Variants in ANTXR2 observed in about 807,000 individuals in gnomAD.
ANTXR2 encodes ANTXR cell adhesion molecule 2, also known as anthrax toxin receptor 2.
In ANTXR2, 44 loss-of-function variants were observed where a neutral mutation model predicts 73.7. The ratio of observed to expected loss-of-function variants is 0.60; its 90% CI spans 0.47 to 0.77. ANTXR2 has a LOEUF of 0.77. Ranked by LOEUF, ANTXR2 falls within the 30% of genes least tolerant of loss-of-function variation. The pLI is 0.00. For missense variants in ANTXR2, 604 were observed against 592.5 expected, an observed-to-expected ratio of 1.02 and a Z score of -0.20; for synonymous variants, 217 against 205.9, an observed-to-expected ratio of 1.05 and a Z score of -0.46.
intron 7 of ANTXR2, among the ~76,000 whole-genome samples, chr4:80,048,959 C>T (rs1258148694): frequency 6.6e-6 from 1 of 151,574 alleles, no homozygotes; most frequent in Non-Finnish European, 1.5e-5. Flanking sequence ...TGATCGTTCC[C>T]TTCCTATTTA....
intron 3 of ANTXR2, among the ~76,000 whole-genome samples, chr4:80,066,047 C>T (rs931722187): frequency 2.0e-5 from 3 of 152,146 alleles, no homozygotes; most frequent in African/African-American, 7.2e-5. Flanking sequence ...TTTCTTCACA[C>T]TTAAAAGTGT....
intron 16 of ANTXR2, among the ~76,000 whole-genome samples, chr4:79,934,841 A>C (rs772206551): frequency 7.9e-5 from 9 of 114,092 alleles, no homozygotes; most frequent in Non-Finnish European, 1.3e-4. Context: ...GTCAAGTTTC[A>C]AAAAAAAAAA....
intron 7 of ANTXR2, among the ~76,000 whole-genome samples, chr4:80,038,824 C>G (rs1245834003): frequency 6.6e-6 from 1 of 151,936 alleles, no homozygotes; most frequent in Non-Finnish European, 1.5e-5. Flanking sequence ...ATGGCATATG[C>G]TCCTCTCTAA....
intron 12 of ANTXR2, among the ~76,000 whole-genome samples, chr4:80,003,182 T>C (rs1358201510): frequency 1.3e-5 from 2 of 151,784 alleles, no homozygotes; most frequent in Non-Finnish European, 2.9e-5. Context: ...GAATGATAGA[T>C]TGGATTAAGA....
At chr4:79,983,619 C>T (rs1028762200) in intron 14 of ANTXR2, among the ~76,000 whole-genome samples, 2 of 151,880 alleles carry the variant, frequency 1.3e-5, no homozygotes, top group South Asian at 2.1e-4. Flanking sequence ...TAAGAAAAAC[C>T]CTAGCTTTGT....
At position 80,040,157 on chromosome 4, in the gene ANTXR2, T is replaced by A. The variant is rs527969188; in HGVS notation, c.637-4125A>T. Among the ~76,000 whole-genome samples the A allele has an allele frequency of 3.3e-5, 5 of 151,844 alleles. No homozygotes were observed. In the Admixed American group the frequency reaches 3.3e-4, roughly 10 times the overall value. ...GAGAGATGAGGGTTGAAAAACCAGC[T>A]ATTGGGTACTATGTTCAGTACCTGG... is the stretch of plus-strand genomic sequence containing the variant. On this transcript the variant is annotated intron_variant, in intron 7 of 16. Transcript: ENST00000403729.
chr4:80,013,129 G>C (rs946188921), intron 11 of ANTXR2, among the ~76,000 whole-genome samples: 3 of 152,174 alleles, frequency 2.0e-5, no homozygotes, highest in African/African-American at 7.2e-5. Flanking sequence ...TTTAAAAGCA[G>C]AGATCCATTT....
chr4:79,961,498 G>A (rs1174106288), intron 16 of ANTXR2, among the ~76,000 whole-genome samples: 1 of 151,964 alleles, frequency 6.6e-6, no homozygotes, highest in African/African-American at 2.4e-5. Context: ...GCAATAGTGT[G>A]ATCATGGCTT....
At chr4:79,921,833 G>A (rs1578084462) in intron 16 of ANTXR2, among the ~76,000 whole-genome samples, 1 of 151,870 alleles carries the variant, frequency 6.6e-6, no homozygotes, top group Admixed American at 6.6e-5. Flanking sequence ...AATGGAAGAG[G>A]TGTGTATATA....
At position 80,031,647 on chromosome 4, in the gene ANTXR2, G is replaced by A; in HGVS notation, c.842C>T (p.Ala281Val). The A allele has an allele frequency of 6.5e-7, 1 of 1,528,236 alleles. No homozygotes were observed. The highest frequency in any genetic ancestry group is 8.7e-7 in the Non-Finnish European group (1 of 1,145,430). The allele number at this position is 1,528,236 out of a possible 1,614,324, so 94.7% of individuals were successfully genotyped here. The change falls in exon 10 of 17, where the codon GCA (alanine) becomes GTA (valine). Residue 281 changes from alanine to valine, a missense_variant. Physicochemically the swap from Ala to Val is moderately conservative, Grantham distance 64. Transcript: ENST00000403729. Reference sequence around the variant, plus strand: ...CTCTCCAGCTTTATTCAGGATAGGTGCAGGACAAAGCATAGAATTAAGCTG... The same window carrying A: ...CTCTCCAGCTTTATTCAGGATAGGTACAGGACAAAGCATAGAATTAAGCTG... ...SVQLNSMLCP[A>V]PILNKAGETL...
intron 16 of ANTXR2, among the ~76,000 whole-genome samples, chr4:79,973,020 G>A (rs1330672873): frequency 6.7e-6 from 1 of 149,004 alleles, no homozygotes; most frequent in Non-Finnish European, 1.5e-5. Context: ...ACTAGTATAA[G>A]AAATTGTCAA....
chr4:80,057,171 A>T (rs1342797588), intron 3 of ANTXR2, among the ~76,000 whole-genome samples: 1 of 151,930 alleles, frequency 6.6e-6, no homozygotes, highest in Non-Finnish European at 1.5e-5. Context: ...TGTAAATAAC[A>T]CATGAAGAGT....
At chr4:80,044,515 T>C (rs777157093) in intron 7 of ANTXR2, among the ~76,000 whole-genome samples, 1 of 151,852 alleles carries the variant, frequency 6.6e-6, no homozygotes, top group Non-Finnish European at 1.5e-5. Context: ...ATGCAATAAA[T>C]TAAGATGGGG....
intron 16 of ANTXR2, chr4:79,977,381 C>CAAAT: frequency 2.4e-6 from 1 of 423,092 alleles, no homozygotes; most frequent in Non-Finnish European, 3.2e-6. Flanking sequence ...AGTATGTGTA[C>CAAAT]AAATGACCAG....
rs549988892 is a variant in ANTXR2, at chr4:79,975,038, A to G, written c.1428+2583T>C. 3.3e-5 allele frequency among the ~76,000 whole-genome samples: 5 copies of G among 152,270 alleles called. No homozygotes were observed. In the South Asian group the frequency reaches 1.0e-3, roughly 32 times the overall value. On this transcript the variant is annotated intron_variant, in intron 16 of 16. Coordinates refer to ENST00000403729, the MANE Select transcript of ANTXR2 (RefSeq NM_058172.6). ...AAACATACCAATTATCTAAACTCAC[A>G]TATTTCTTCTTTTCTATTCCCAGTG...
chr4:79,915,848 C>CTATA (rs1393139169), intron 16 of ANTXR2, among the ~76,000 whole-genome samples: 1 of 123,462 alleles, frequency 8.1e-6, no homozygotes, highest in South Asian at 2.6e-4. Flanking sequence ...CTCTCTCTCT[C>CTATA]TCTCTCTCTC....
chr4:79,951,489 T>C (rs1264810009), intron 16 of ANTXR2, among the ~76,000 whole-genome samples: 6 of 152,018 alleles, frequency 3.9e-5, no homozygotes, highest in Admixed American at 3.3e-4. Context: ...GGCAGGAGAA[T>C]TGCTTGAACC....
chr4:79,973,566 T>C (rs569229924), intron 16 of ANTXR2, among the ~76,000 whole-genome samples: 1 of 152,144 alleles, frequency 6.6e-6, no homozygotes, highest in African/African-American at 2.4e-5. Context: ...TAGCTGGGAC[T>C]ACAGGTGTGC....
intron 10 of ANTXR2, among the ~76,000 whole-genome samples, chr4:80,026,483 A>G (rs1455388743): frequency 1.2e-4 from 18 of 152,124 alleles, no homozygotes; most frequent in Admixed American, 1.2e-3. Context: ...AGCTTTGATA[A>G]TATAAAATTT....
Sources: allele counts gnomAD v4.1 joint callset (sites outside exome capture counted in the v4.1 genomes callset), GRCh38; gene constraint gnomAD v4.1.1; transcripts MANE v1.5; gene names NCBI Gene and HGNC (gene_info 2026-07-23, HGNC 2026-07-21).